MGAT4C: variants seen among roughly 807,000 people sequenced by gnomAD.
MGAT4C encodes MGAT4 family member C.
A neutral mutation model predicts 40.1 loss-of-function variants in MGAT4C; 19 were observed. The observed-to-expected ratio is 0.47, with a 90% CI of 0.33 to 0.70. The LOEUF is 0.70. MGAT4C is among the 30% of genes least tolerant of loss of function. The pLI is 0.02. For synonymous variants in MGAT4C, 181 were observed against 187.1 expected, an observed-to-expected ratio of 0.97 and a Z score of 0.27; for missense variants, 491 against 563.2, an observed-to-expected ratio of 0.87 and a Z score of 1.30.
At chr12:86,682,373 A>C (rs1349430736) in intron 2 of MGAT4C, among the ~76,000 whole-genome samples, 1 of 152,216 alleles carries the variant, frequency 6.6e-6, no homozygotes, top group East Asian at 1.9e-4. Flanking sequence ...GCAGTTTACT[A>C]ATTACACAAT....
chr12:85,964,407 A>C lies in MGAT4C; in HGVS notation c.*14882T>G, dbSNP rs1883255630. The C allele has an allele frequency of 1.3e-5, 2 of 152,112 alleles. No homozygotes were observed. The highest frequency in any genetic ancestry group is 6.6e-5 in the Admixed American group (1 of 15,262). The allele number at this position is 152,112 out of a possible 1,614,324, so 9.4% of individuals were successfully genotyped here. A position where few individuals can be genotyped will look rare whatever the true frequency, so the allele number is the denominator to read the frequency against. ...CACATAGAATGTTAGTTTTGTAGAAAATTTTAGAGATTTTAATACCAGGAT... is the reference window on the plus strand; with the variant it reads ...CACATAGAATGTTAGTTTTGTAGAACATTTTAGAGATTTTAATACCAGGAT... On this transcript the variant is annotated 3_prime_UTR_variant, in exon 5 of 5. Coordinates refer to ENST00000611864, the MANE Select transcript of MGAT4C (RefSeq NM_001351288.2).
chr12:86,700,098 T>C (rs1031085602), intron 2 of MGAT4C, among the ~76,000 whole-genome samples: 4 of 130,610 alleles, frequency 3.1e-5, no homozygotes, highest in African/African-American at 8.4e-5. Flanking sequence ...AGATGATAGA[T>C]AGATAGATGA....
intron 2 of MGAT4C, among the ~76,000 whole-genome samples, chr12:86,453,620 C>T (rs1233189982): frequency 8.5e-5 from 13 of 152,080 alleles, no homozygotes; most frequent in Non-Finnish European, 7.4e-5. Context: ...TGCAGCTCCG[C>T]TATTTACACT....
chr12:86,266,398 A>C (rs987829940), intron 4 of MGAT4C, among the ~76,000 whole-genome samples: 1 of 152,152 alleles, frequency 6.6e-6, no homozygotes, highest in African/African-American at 2.4e-5. Context: ...AGATGATCAT[A>C]GGGTTTTTGT....
intron 2 of MGAT4C, among the ~76,000 whole-genome samples, chr12:86,536,616 C>A (rs957013537): frequency 2.0e-5 from 3 of 151,924 alleles, no homozygotes; most frequent in Non-Finnish European, 4.4e-5. Flanking sequence ...AATAGAGAAA[C>A]AAAAATTTAG....
intron 1 of MGAT4C, among the ~76,000 whole-genome samples, chr12:86,760,333 G>GAA (rs1951380845): frequency 6.6e-6 from 1 of 151,910 alleles, no homozygotes; most frequent in Admixed American, 6.6e-5. Context: ...AAAACTAGAA[G>GAA]AAAGCTCCAT....
At chr12:86,437,126 A>T (rs1293639217) in intron 2 of MGAT4C, among the ~76,000 whole-genome samples, 1 of 151,764 alleles carries the variant, frequency 6.6e-6, no homozygotes, top group Non-Finnish European at 1.5e-5. Flanking sequence ...CAGAATTTTT[A>T]TGTCTTTATT....
intron 4 of MGAT4C, among the ~76,000 whole-genome samples, chr12:86,331,849 A>T (rs1278192247): frequency 6.6e-6 from 1 of 152,186 alleles, no homozygotes; most frequent in Non-Finnish European, 1.5e-5. Context: ...TCTCTAACAA[A>T]TACAACCTAA....
intron 1 of MGAT4C, among the ~76,000 whole-genome samples, chr12:86,076,585 T>G (rs764390341): frequency 6.6e-5 from 10 of 152,136 alleles, no homozygotes; most frequent in African/African-American, 9.7e-5. Context: ...TCCACATGAC[T>G]GGGGAGGCCT....
At chr12:86,430,839 T>A (rs988089597) in intron 3 of MGAT4C, among the ~76,000 whole-genome samples, 5 of 152,210 alleles carry the variant, frequency 3.3e-5, no homozygotes, top group Admixed American at 3.3e-4. Flanking sequence ...GATTTGGGAC[T>A]CTTTGGGAGG....
chr12:86,513,579 G>A (rs1323363158), intron 2 of MGAT4C, among the ~76,000 whole-genome samples: 2 of 152,146 alleles, frequency 1.3e-5, no homozygotes, highest in Non-Finnish European at 2.9e-5. Context: ...AATGAAGAAA[G>A]GATAGTTTTT....
chr12:86,800,796 G>C (rs1179233297), intron 1 of MGAT4C, among the ~76,000 whole-genome samples: 1 of 151,862 alleles, frequency 6.6e-6, no homozygotes, highest in African/African-American at 2.4e-5. Context: ...CCAAAATTTT[G>C]TCAGGCTTTC....
intron 3 of MGAT4C, among the ~76,000 whole-genome samples, chr12:86,385,068 C>G: frequency 6.6e-6 from 1 of 152,108 alleles, no homozygotes; most frequent in East Asian, 1.9e-4. Context: ...TAAAATTCAA[C>G]TAAAAAAATG....
intron 2 of MGAT4C, among the ~76,000 whole-genome samples, chr12:86,510,796 C>A (rs1335302226): frequency 1.3e-5 from 2 of 152,116 alleles, no homozygotes; most frequent in African/African-American, 4.8e-5. Flanking sequence ...GCTAACTAGC[C>A]TAAATATATA....
chr12:86,428,323 C>T (rs915783090), intron 3 of MGAT4C, among the ~76,000 whole-genome samples: 7 of 152,124 alleles, frequency 4.6e-5, no homozygotes, highest in African/African-American at 1.2e-4. Flanking sequence ...CTCTGATCCT[C>T]GTGTACTCAT....
At chr12:86,712,918 C>T (rs192404261) in intron 2 of MGAT4C, among the ~76,000 whole-genome samples, 178 of 152,140 alleles carry the variant, frequency 1.2e-3, no homozygotes, top group Non-Finnish European at 2.0e-3. Context: ...CCCTATAAGA[C>T]GAGTAATAAG....
intron 2 of MGAT4C, among the ~76,000 whole-genome samples, chr12:86,561,375 TGA>T (rs1959856213): frequency 6.6e-6 from 1 of 152,136 alleles, no homozygotes; most frequent in Admixed American, 6.6e-5. Context: ...GTCAGTGAAC[TGA>T]GAGAGGCAGA....
rs1361418612 is a variant in MGAT4C, at chr12:85,970,809, T to A, written c.*8480A>T. On this transcript the variant is annotated 3_prime_UTR_variant, in exon 5 of 5. Coordinates refer to ENST00000611864, the MANE Select transcript of MGAT4C (RefSeq NM_001351288.2). Reference sequence around the variant, plus strand: ...AGATAATAAATTCACTAATGTGAAATGTTGATATAGTATGTACAACTTGTT... The same window carrying A: ...AGATAATAAATTCACTAATGTGAAAAGTTGATATAGTATGTACAACTTGTT... The A allele has an allele frequency of 2.0e-5, 3 of 151,348 alleles. No individual in the cohort carries two copies. The highest frequency in any genetic ancestry group is 7.3e-5 in the African/African-American group (3 of 41,378). The allele number at this position is 151,348 out of a possible 1,614,324, so 9.4% of individuals were successfully genotyped here. A position where few individuals can be genotyped will look rare whatever the true frequency, so the allele number is the denominator to read the frequency against.
intron 2 of MGAT4C, among the ~76,000 whole-genome samples, chr12:86,451,647 T>C (rs1957426419): frequency 6.6e-6 from 1 of 152,116 alleles, no homozygotes; most frequent in Non-Finnish European, 1.5e-5. Flanking sequence ...TGCCTATTAT[T>C]TTCTCTTTCC....
Sources: allele counts gnomAD v4.1 joint callset (sites outside exome capture counted in the v4.1 genomes callset), GRCh38; gene constraint gnomAD v4.1.1; transcripts MANE v1.5; gene names NCBI Gene and HGNC (gene_info 2026-07-23, HGNC 2026-07-21).